AKAP13: variants seen among roughly 807,000 people sequenced by gnomAD.
The protein encoded by AKAP13 is A-kinase anchoring protein 13, also known as A-kinase anchor protein 13.
A neutral mutation model predicts 264.5 loss-of-function variants in AKAP13; 80 were observed. The observed-to-expected ratio is 0.30, with a 90% CI of 0.25 to 0.36. The LOEUF (loss-of-function observed/expected upper bound fraction) is 0.36. Among genes scored for constraint, AKAP13 ranks in the 10% least tolerant of loss-of-function variants. The pLI, the probability that AKAP13 is intolerant of heterozygous loss-of-function variation, is 1.00. For synonymous variants in AKAP13, 1,380 were observed against 1,250.2 expected, an observed-to-expected ratio of 1.10 and a Z score of -2.19; for missense variants, 3,712 against 3,435.2, an observed-to-expected ratio of 1.08 and a Z score of -2.01.
rs573281647 is a variant in AKAP13, at chr15:85,438,135, C to T, written c.-11-47575C>T. On this transcript the variant is annotated intron_variant, in intron 1 of 36. Coordinates refer to ENST00000394518, the MANE Select transcript of AKAP13 (RefSeq NM_007200.5). ...TCAGCAAAGTCTCAGGATACAAAAT[C>T]AATGTACAAAAATCACAAGCATTCT... 7.5e-5 allele frequency among the ~76,000 whole-genome samples: 11 copies of T among 146,626 alleles called. No homozygotes were observed. In the East Asian group the frequency reaches 2.0e-3, roughly 26 times the overall value.
At chr15:85,382,704 A>G (rs1322666577) in intron 1 of AKAP13, among the ~76,000 whole-genome samples, 4 of 152,340 alleles carry the variant, frequency 2.6e-5, no homozygotes, top group South Asian at 2.1e-4. Context: ...ATACTATACT[A>G]TAAATGGACT....
chr15:85,650,859 G>A (rs1479522243), intron 10 of AKAP13, among the ~76,000 whole-genome samples: 1 of 149,818 alleles, frequency 6.7e-6, no homozygotes, highest in African/African-American at 2.5e-5. Context: ...TGAACCAGTG[G>A]TAATGCTTGT....
In AKAP13 at chr15:85,718,938, A is replaced by G; in HGVS notation, c.6002-138A>G. The stretch of plus-strand genomic sequence containing the variant: ...AAAACAAAAAAACGAGAACACTTTT[A>G]GGGGAAAGATAGCTGTTGACCCAAT... On this transcript the variant is annotated intron_variant, in intron 22 of 36. Coordinates refer to ENST00000394518, the MANE Select transcript of AKAP13 (RefSeq NM_007200.5). The surrounding 1 kb of genome is among the most constrained non-coding windows in gnomAD (Gnocchi z 4.9). The G allele has an allele frequency of 1.7e-6, 2 of 1,196,702 alleles. No homozygotes were observed. The highest frequency in any genetic ancestry group is 1.5e-5 in the South Asian group (1 of 66,564). The allele number at this position is 1,196,702 out of a possible 1,614,324, so 74.1% of individuals were successfully genotyped here.
intron 29 of AKAP13, among the ~76,000 whole-genome samples, chr15:85,729,470 GT>G (rs1238366152): frequency 2.0e-5 from 3 of 152,144 alleles, no homozygotes; most frequent in Admixed American, 1.3e-4. Flanking sequence ...GAAAAGATTG[GT>G]TTCTCACGTG....
At chr15:85,613,691 A>AAAAAAAAATATATATATAT (rs1313187436) in intron 8 of AKAP13, among the ~76,000 whole-genome samples, 1 of 91,968 alleles carries the variant, frequency 1.1e-5, no homozygotes, top group African/African-American at 4.6e-5. Context: ...AAAAAAAAAA[A>AAAAAAAAATATATATATAT]ATATATATAT....
At chr15:85,419,972 C>T (rs1161360979) in intron 1 of AKAP13, among the ~76,000 whole-genome samples, 20 of 119,898 alleles carry the variant, frequency 1.7e-4, no homozygotes, top group Non-Finnish European at 2.8e-4. Context: ...GACGGAGTCT[C>T]GCTCTGTTGC....
chr15:85,722,212 C>CT lies in AKAP13; in HGVS notation c.6379-17dup. 6.2e-7 allele frequency: 1 copy of CT among 1,609,724 alleles called. No individual in the cohort carries two copies. Among genetic ancestry groups the CT allele is most frequent in the East Asian group, 2.2e-5 (1 of 44,834 alleles). ...CCTTTTTCATGTGATTCCTCACAGT[C>CT]TGTTTACTCCCTTGCAGAAGAAGAT... On this transcript the variant is annotated splice_polypyrimidine_tract_variant and intron_variant, in intron 24 of 36. Coordinates refer to ENST00000394518, the MANE Select transcript of AKAP13 (RefSeq NM_007200.5).
chr15:85,442,030 C>T (rs1225771450), intron 1 of AKAP13, among the ~76,000 whole-genome samples: 2 of 152,136 alleles, frequency 1.3e-5, no homozygotes, highest in African/African-American at 2.4e-5. Flanking sequence ...GTTATCCTCT[C>T]CCTAGGGATG....
At chr15:85,556,786 C>G (rs1269843176) in intron 5 of AKAP13, among the ~76,000 whole-genome samples, 1 of 152,234 alleles carries the variant, frequency 6.6e-6, no homozygotes, top group African/African-American at 2.4e-5. Flanking sequence ...CATGCTGGCT[C>G]TTTCATACCA....
At chr15:85,512,919 T>C (rs1162208925) in intron 2 of AKAP13, among the ~76,000 whole-genome samples, 1 of 151,802 alleles carries the variant, frequency 6.6e-6, no homozygotes, top group Non-Finnish European at 1.5e-5. Context: ...TGCAGTGGTG[T>C]GATCTCGGCT....
chr15:85,661,249 G>A (rs2083329998), intron 12 of AKAP13, among the ~76,000 whole-genome samples: 1 of 151,998 alleles, frequency 6.6e-6, no homozygotes, highest in South Asian at 2.1e-4. Flanking sequence ...TGTTTACTTA[G>A]CATTTCCAAC....
intron 8 of AKAP13, among the ~76,000 whole-genome samples, chr15:85,598,883 A>T (rs956715637): frequency 1.3e-5 from 2 of 152,260 alleles, no homozygotes; most frequent in African/African-American, 2.4e-5. Context: ...CCCTGTTGAC[A>T]GCATTGCTTG....
Position 85,718,289 on chromosome 15 carries a change from T to C in AKAP13, c.6001+130T>C. The C allele has an allele frequency of 8.7e-7, 1 of 1,143,632 alleles. No individual in the cohort carries two copies. Among genetic ancestry groups the C allele is most frequent in the Non-Finnish European group, 1.2e-6 (1 of 814,188 alleles). 70.8% of individuals were successfully genotyped at this position (1,143,632 alleles called of 1,614,324 possible). A position where few individuals can be genotyped will look rare whatever the true frequency, so the allele number is the denominator to read the frequency against. The stretch of plus-strand genomic sequence containing the variant: ...TCTTGAAAAGATTTCCTTTAAAAAC[T>C]TTAAGGTACAGAGACGTGGTCCTGT... On this transcript the variant is annotated intron_variant, in intron 22 of 36. Transcript: ENST00000394518. The surrounding 1 kb of genome is among the most constrained non-coding windows in gnomAD (Gnocchi z 4.9).
rs553946028 is a variant in AKAP13 at position 85,578,882 on chromosome 15, T to A, written c.862-48T>A. Reference sequence around the variant, plus strand: ...TTTTTGCTCAGAGGTGTCAGTGACATCTTCTCCTACAGGCAGTTTTTTAAA... The same window carrying A: ...TTTTTGCTCAGAGGTGTCAGTGACAACTTCTCCTACAGGCAGTTTTTTAAA... On this transcript the variant is annotated intron_variant, in intron 6 of 36. Transcript: ENST00000394518. 2.0e-3 allele frequency: 3,101 copies of A among 1,566,864 alleles called. 7 individuals are homozygous for A. Among genetic ancestry groups the A allele is most frequent in the South Asian group, 3.3e-3 (280 of 85,210 alleles).
intron 1 of AKAP13, among the ~76,000 whole-genome samples, chr15:85,383,757 A>T (rs545806413): frequency 6.6e-6 from 1 of 152,278 alleles, no homozygotes; most frequent in East Asian, 1.9e-4. Flanking sequence ...ACAGTGAGAG[A>T]TGGATTGTTT....
intron 5 of AKAP13, among the ~76,000 whole-genome samples, chr15:85,562,112 G>A (rs963245930): frequency 2.0e-5 from 3 of 152,090 alleles, no homozygotes; most frequent in Non-Finnish European, 4.4e-5. Context: ...TTCACAGAAT[G>A]ATTACGAGAG....
rs1211465838 is a variant in AKAP13, at chr15:85,747,036, G to A, written c.*2359G>A. On this transcript the variant is annotated 3_prime_UTR_variant, in exon 37 of 37. Transcript: ENST00000394518. Reference sequence around the variant, plus strand: ...TTCATCTGCTTTGGTTGTTTTGGTGGTCTTTTTTAAAAATAGAGATTTCAC... The same window carrying A: ...TTCATCTGCTTTGGTTGTTTTGGTGATCTTTTTTAAAAATAGAGATTTCAC... 1 of 152,158 alleles carries A rather than the reference G, an allele frequency of 6.6e-6. No homozygotes were observed. The highest frequency in any genetic ancestry group is 1.5e-5 in the Non-Finnish European group (1 of 68,026). The allele number at this position is 152,158 out of a possible 1,614,324, so 9.4% of individuals were successfully genotyped here.
intron 8 of AKAP13, chr15:85,619,955 A>T: frequency 6.9e-7 from 1 of 1,455,038 alleles, no homozygotes. Context: ...GAGAGTTTTA[A>T]TAGAGAGGAG....
chr15:85,691,736 C>G (rs549387734), intron 16 of AKAP13: 1 of 453,138 alleles, frequency 2.2e-6, no homozygotes, highest in Non-Finnish European at 4.4e-6. Flanking sequence ...CGGTTTTGGC[C>G]TGCTCAGTAA....
Sources: gnomAD v4.1 joint callset for allele counts (sites outside exome capture counted in the v4.1 genomes callset) on GRCh38, gnomAD v4.1.1 for gene constraint, Gnocchi (gnomAD v3.1) non-coding constraint, MANE v1.5 for transcripts, NCBI Gene and HGNC (gene_info 2026-07-23, HGNC 2026-07-21) for gene names.